CEACAM8: variants seen among roughly 807,000 people sequenced by gnomAD.
CEACAM8 encodes the protein CEA cell adhesion molecule 8, also known as cell adhesion molecule CEACAM8.
A neutral mutation model predicts 33.4 loss-of-function variants in CEACAM8; 31 were observed. The observed-to-expected ratio is 0.93, with a 90% confidence interval of 0.70 to 1.25. The LOEUF (loss-of-function observed/expected upper bound fraction) is 1.25. Ranked by LOEUF, CEACAM8 falls within the 50% of genes most tolerant of loss-of-function variation. The probability of loss-of-function intolerance (pLI) is 0.00; values close to 1 mark genes in which losing one functional copy is unlikely to be tolerated. For synonymous variants in CEACAM8, 138 were observed against 164.5 expected (o/e 0.84, Z 1.23); for missense variants, 388 against 434.6 (o/e 0.89, Z 0.95).
chr19:42,586,425 G>A (rs2042338383), intron 4 of CEACAM8, among the ~76,000 whole-genome samples: 1 of 152,166 alleles, frequency 6.6e-6, no homozygotes, highest in Admixed American at 6.6e-5. Flanking sequence ...AGCCCAGAAA[G>A]GAATGCTTGC....
intron 2 of CEACAM8, among the ~76,000 whole-genome samples, chr19:42,591,520 A>G (rs1244466655): frequency 6.6e-6 from 1 of 152,242 alleles, no homozygotes; most frequent in African/African-American, 2.4e-5. Context: ...CCTAATTCCT[A>G]TGCAGAGTTA....
chr19:42,582,749 G>C (rs2042278261), intron 5 of CEACAM8, among the ~76,000 whole-genome samples: 1 of 152,164 alleles, frequency 6.6e-6, no homozygotes, highest in Non-Finnish European at 1.5e-5. Flanking sequence ...AATTAGTAAA[G>C]AGAAGAAATG....
Position 42,593,811 on chromosome 19 carries a change from G to A in CEACAM8, c.154C>T (p.Leu52Phe), listed in dbSNP as rs1196980619. The change falls in exon 2 of 6, where the codon CTT becomes TTT. Residue 52 changes from leucine (L) to phenylalanine (F), a missense_variant. Coordinates refer to ENST00000244336, the MANE Select transcript of CEACAM8 (RefSeq NM_001816.4). Reference protein sequence around the residue: ...PSNAAEGKEVLLLVHNLPQDP... With the variant: ...PSNAAEGKEVFLLVHNLPQDP... ...TGGGGCAGATTGTGGACAAGTAGAA[G>A]AACCTCCTTCCCCTCTGCAGCATTG... The A allele has an allele frequency of 1.2e-6, 2 of 1,614,038 alleles. No homozygotes were observed. The highest frequency in any genetic ancestry group is 1.7e-5 in the Admixed American group (1 of 60,010).
chr19:42,588,989 T>G lies in CEACAM8; in HGVS notation c.753A>C (p.Ala251=). 6.2e-7 allele frequency: 1 copy of G among 1,614,160 alleles called. No individual in the cohort carries two copies. Among genetic ancestry groups the G allele is most frequent in the Middle Eastern group, 1.6e-4 (1 of 6,062 alleles). The part of the protein sequence containing the change: ...TISPSDTYYH[A]GVNLNLSCHA... ...GGCAGGAGAGGTTGAGATTTACCCC[T>G]GCATGGTAATAGGTGTCTGAAGGGG... Residue 251 remains alanine, a synonymous_variant, in exon 4 of 6, where the codon GCA becomes GCC. Coordinates refer to ENST00000244336, the MANE Select transcript of CEACAM8 (RefSeq NM_001816.4).
intron 4 of CEACAM8, among the ~76,000 whole-genome samples, chr19:42,584,612 G>A (rs1032038305): frequency 6.6e-6 from 1 of 152,194 alleles, no homozygotes; most frequent in Non-Finnish European, 1.5e-5. Context: ...TTTCATTGAT[G>A]ATTACATAAA....
chr19:42,594,775 G>T lies in CEACAM8; in HGVS notation c.54C>A (p.Leu18=). The T allele has an allele frequency of 6.2e-7, 1 of 1,610,384 alleles. No homozygotes were observed. The highest frequency in any genetic ancestry group is 8.5e-7 in the Non-Finnish European group (1 of 1,177,564). ...AAGTCCTCTCCTCACCTGTGAGCAG[G>T]AGCCCCTGCCAGGGGATGCGCCATC... ...SCRWRIPWQG[L]LLTASLFTFW... Residue 18 remains leucine, a synonymous_variant, in exon 1 of 6, where the codon CTC becomes CTA. Coordinates refer to ENST00000244336, the MANE Select transcript of CEACAM8 (RefSeq NM_001816.4).
At chr19:42,589,962 G>A (rs1259712877) in intron 2 of CEACAM8, among the ~76,000 whole-genome samples, 2 of 152,178 alleles carry the variant, frequency 1.3e-5, no homozygotes, top group Non-Finnish European at 1.5e-5. Flanking sequence ...TGTGAATTGG[G>A]CAGCAGCGCT....
At chr19:42,584,298 T>G (rs2042300186) in intron 4 of CEACAM8, among the ~76,000 whole-genome samples, 1 of 152,216 alleles carries the variant, frequency 6.6e-6, no homozygotes, top group African/African-American at 2.4e-5. Flanking sequence ...CAACTCAGGC[T>G]GATGATTAAT....
intron 2 of CEACAM8, among the ~76,000 whole-genome samples, chr19:42,589,996 G>GACCA (rs1385711100): frequency 3.3e-5 from 5 of 152,202 alleles, no homozygotes; most frequent in Admixed American, 3.3e-4. Context: ...ACCCAGGACT[G>GACCA]GGAGTTACAG....
chr19:42,588,357 T>A (rs536565285), intron 4 of CEACAM8, among the ~76,000 whole-genome samples: 8 of 152,106 alleles, frequency 5.3e-5, no homozygotes, highest in Non-Finnish European at 1.2e-4. Context: ...CTCCTCCCAT[T>A]TGGGGAACGT....
chr19:42,584,469 G>A (rs1427112958), intron 4 of CEACAM8, among the ~76,000 whole-genome samples: 1 of 152,142 alleles, frequency 6.6e-6, no homozygotes, highest in Non-Finnish European at 1.5e-5. Context: ...CTTTCCTGAT[G>A]TCATATGGCT....
intron 2 of CEACAM8, among the ~76,000 whole-genome samples, chr19:42,590,218 T>G (rs1273366085): frequency 6.6e-6 from 1 of 152,170 alleles, no homozygotes; most frequent in Admixed American, 6.5e-5. Flanking sequence ...GACTGGGTGT[T>G]TCAACAGAAA....
chr19:42,583,247 T>A lies in CEACAM8; in HGVS notation c.1049A>T (p.Ter350LeuextTer1). The change falls in exon 5 of 6, where the codon TAG becomes TTG. Residue 350 changes from the stop codon to leucine, a stop_lost. Coordinates refer to ENST00000244336, the MANE Select transcript of CEACAM8 (RefSeq NM_001816.4). ...IGVLARVALI* is the reference protein window; with the variant it reads ...IGVLARVALIL ...AATGCAGAAACTACACCAGAGCTAC[T>A]ATATCAGAGCCACCCTGGCCAGTAC... 1 of 1,597,534 alleles carries A rather than the reference T, an allele frequency of 6.3e-7. No individual in the cohort carries two copies. Among genetic ancestry groups the A allele is most frequent in the East Asian group, 2.2e-5 (1 of 44,748 alleles).
In CEACAM8 at chr19:42,581,053, C is replaced by T. The variant is rs540998902; in HGVS notation, c.*341G>A. 1.4e-5 allele frequency: 2 copies of T among 143,320 alleles called. No homozygotes were observed. The highest frequency in any genetic ancestry group is 2.6e-5 in the African/African-American group (1 of 38,414). The allele number at this position is 143,320 out of a possible 1,614,324, so 8.9% of individuals were successfully genotyped here. On this transcript the variant is annotated 3_prime_UTR_variant, in exon 6 of 6. Transcript: ENST00000244336. Reference sequence around the variant, plus strand: ...TGAGATCGTGCCACTGCACTCCAGCCTGGGCGACAGAGCGAGATTCCATCT... The same window carrying T: ...TGAGATCGTGCCACTGCACTCCAGCTTGGGCGACAGAGCGAGATTCCATCT...
intron 2 of CEACAM8, among the ~76,000 whole-genome samples, chr19:42,592,297 A>G (rs959290646): frequency 2.0e-5 from 3 of 150,678 alleles, no homozygotes; most frequent in Admixed American, 1.3e-4. Flanking sequence ...CTTCTCAATA[A>G]TAAGCTTCTA....
intron 2 of CEACAM8, among the ~76,000 whole-genome samples, chr19:42,592,407 A>G (rs2042458343): frequency 6.6e-6 from 1 of 151,772 alleles, no homozygotes; most frequent in African/African-American, 2.4e-5. Flanking sequence ...AATCGAGACC[A>G]TCCTGGCCAA....
intron 5 of CEACAM8, chr19:42,582,971 T>G: frequency 2.5e-6 from 1 of 401,106 alleles, no homozygotes; most frequent in Non-Finnish European, 4.4e-6. Context: ...CAAAAGACTT[T>G]CATAGTGTAT....
rs1006570259 is a variant in CEACAM8 at position 42,583,177 on chromosome 19, A to C, written c.*40+29T>G. 7.1e-5 allele frequency: 72 copies of C among 1,008,130 alleles called. No homozygotes were observed. The African/African-American group carries it at 7.4e-4, about 10-fold the overall frequency. 62.4% of individuals were successfully genotyped at this position (1,008,130 alleles called of 1,614,324 possible). ...CAAGCATGGCGGTCAGCCCTGCAGG[A>C]AACAGGACAAGAGGAAAGGCCATCA... On this transcript the variant is annotated intron_variant, in intron 5 of 5. Coordinates refer to ENST00000244336, the MANE Select transcript of CEACAM8 (RefSeq NM_001816.4).
In CEACAM8 at chr19:42,583,157, A is replaced by G. The variant is rs559452811; in HGVS notation, c.*40+49T>C. 58 of 810,022 alleles carry G rather than the reference A, an allele frequency of 7.2e-5. No homozygotes were observed. The African/African-American group carries it at 9.1e-4, about 13-fold the overall frequency. The allele number at this position is 810,022 out of a possible 1,614,324, so 50.2% of individuals were successfully genotyped here. On this transcript the variant is annotated intron_variant, in intron 5 of 5. Transcript: ENST00000244336. Reference sequence around the variant, plus strand: ...CGGGATACAGGTCTCTCTCCCAAGCATGGCGGTCAGCCCTGCAGGAAACAG... The same window carrying G: ...CGGGATACAGGTCTCTCTCCCAAGCGTGGCGGTCAGCCCTGCAGGAAACAG...
Sources: gnomAD v4.1 joint callset for allele counts (sites outside exome capture counted in the v4.1 genomes callset) on GRCh38, gnomAD v4.1.1 for gene constraint, MANE v1.5 for transcripts, NCBI Gene and HGNC (gene_info 2026-07-23, HGNC 2026-07-21) for gene names.